Variants in STARD5 observed in about 807,000 individuals in gnomAD.
STARD5 encodes StAR related lipid transfer domain containing 5.
STARD5 carries 26 observed loss-of-function variants against 24.6 expected under a neutral mutation model. The ratio of observed to expected loss-of-function variants is 1.06; its 90% CI spans 0.77 to 1.47. The LOEUF (loss-of-function observed/expected upper bound fraction) is 1.47, where lower values mean the gene tolerates loss of function less well. Among genes scored for constraint, STARD5 ranks in the 40% most tolerant of loss-of-function variants. The pLI is 0.00. For missense variants in STARD5, 254 were observed against 270.8 expected (o/e 0.94, Z 0.44); for synonymous variants, 101 against 99.7 (o/e 1.01, Z -0.07).
In STARD5 at chr15:81,312,430, C is replaced by T. The variant is rs549339999; in HGVS notation, c.*826G>A. Reference sequence around the variant, plus strand: ...ACCTCCTGCCTCCGCCTCAGTAAGACGACAAGGAAAGGCAAATGCCCAAGG... The same window carrying T: ...ACCTCCTGCCTCCGCCTCAGTAAGATGACAAGGAAAGGCAAATGCCCAAGG... On this transcript the variant is annotated 3_prime_UTR_variant, in exon 6 of 6. Coordinates refer to ENST00000302824, the MANE Select transcript of STARD5 (RefSeq NM_181900.3). 17 of 152,362 alleles carry T rather than the reference C, an allele frequency of 1.1e-4. No homozygotes were observed. Among genetic ancestry groups the T allele is most frequent in the African/African-American group, 2.4e-4 (10 of 41,580 alleles). 9.4% of individuals were successfully genotyped at this position (152,362 alleles called of 1,614,324 possible). A position where few individuals can be genotyped will look rare whatever the true frequency, so the allele number is the denominator to read the frequency against.
chr15:81,323,107 C>T (rs1240009406), intron 1 of STARD5, 159 bp from the exon 2 acceptor site: 4 of 684,064 alleles, frequency 5.8e-6, no homozygotes, highest in South Asian at 1.9e-5. Context: ...TAGTCTTGGG[C>T]AAAGCTGTCC....
Position 81,322,946 on chromosome 15 carries a change from A to C in STARD5, c.102T>G (p.Asn34Lys). The part of the protein sequence containing the change: ...TAGWKICREG[N>K]GVSVSWRPSV... ...ATGGCCTCCAGGAAACTGAAACTCC[A>C]TTCTGTCAAAAGGCACAGAACCACA... The change falls in exon 2 of 6, where the codon AAT (asparagine) becomes AAG (lysine). Residue 34 changes from asparagine to lysine, a missense_variant and splice_region_variant. Asn to Lys is a moderately conservative substitution (Grantham distance 94). Coordinates refer to ENST00000302824, the MANE Select transcript of STARD5 (RefSeq NM_181900.3). 4 of 1,614,088 alleles carry C rather than the reference A, an allele frequency of 2.5e-6. No individual in the cohort carries two copies. The highest frequency in any genetic ancestry group is 3.4e-6 in the Non-Finnish European group (4 of 1,180,024).
intron 1 of STARD5, 120 bp from the exon 2 acceptor site, chr15:81,323,068 G>A: frequency 9.5e-7 from 1 of 1,050,500 alleles, no homozygotes; most frequent in Non-Finnish European, 1.4e-6. Context: ...CTCCAAGGCT[G>A]TGCAACCCAT....
rs1226070903 is a variant in STARD5 at position 81,312,574 on chromosome 15, C to A, written c.*682G>T. On this transcript the variant is annotated 3_prime_UTR_variant, in exon 6 of 6. Transcript: ENST00000302824. ...CTGCAGATTTGGGCTGGAACAGATT[C>A]ACACTGTCTGGTTTCACCGAGGACA... 9.9e-5 allele frequency: 15 copies of A among 152,224 alleles called. No homozygotes were observed. The highest frequency in any genetic ancestry group is 9.8e-4 in the Admixed American group (15 of 15,290). 9.4% of individuals were successfully genotyped at this position (152,224 alleles called of 1,614,324 possible).
At chr15:81,317,320 G>A (rs900014607) in intron 5 of STARD5, among the ~76,000 whole-genome samples, 1 of 152,080 alleles carries the variant, frequency 6.6e-6, no homozygotes, top group Non-Finnish European at 1.5e-5. Flanking sequence ...CAGAAGGAAG[G>A]ACTCTGCCTC....
chr15:81,309,742 G>A lies in STARD5; in HGVS notation c.*3514C>T, dbSNP rs1900757436. 1 of 152,238 alleles carries A rather than the reference G, an allele frequency of 6.6e-6. No homozygotes were observed. The highest frequency in any genetic ancestry group is 6.5e-5 in the Admixed American group (1 of 15,286). The allele number at this position is 152,238 out of a possible 1,614,324, so 9.4% of individuals were successfully genotyped here. A position where few individuals can be genotyped will look rare whatever the true frequency, so the allele number is the denominator to read the frequency against. On this transcript the variant is annotated 3_prime_UTR_variant, in exon 6 of 6. Coordinates refer to ENST00000302824, the MANE Select transcript of STARD5 (RefSeq NM_181900.3). ...ACAGAAGGAACCAGCGTGTATATGAGGGTATCAAATAAAATTGCTACTACT... is the reference window on the plus strand; with the variant it reads ...ACAGAAGGAACCAGCGTGTATATGAAGGTATCAAATAAAATTGCTACTACT...
Position 81,309,108 on chromosome 15 carries a change from G to T in STARD5, c.*4148C>A. 7.2e-6 allele frequency: 2 copies of T among 279,212 alleles called. No individual in the cohort carries two copies. The highest frequency in any genetic ancestry group is 1.3e-5 in the Non-Finnish European group (2 of 149,474). 17.3% of individuals were successfully genotyped at this position (279,212 alleles called of 1,614,324 possible). ...AGAATTTCATATGACATTCATGCCT[G>T]GCTTCGCAAAATGTTTCAAGTACTG... On this transcript the variant is annotated 3_prime_UTR_variant, in exon 6 of 6. Transcript: ENST00000302824.
At chr15:81,319,841 A>G (rs1219520315) in intron 3 of STARD5, among the ~76,000 whole-genome samples, 7 of 152,226 alleles carry the variant, frequency 4.6e-5, no homozygotes, top group African/African-American at 1.4e-4. Flanking sequence ...TGACACTTAG[A>G]GAGACTAAGG....
rs1265122129 is a variant in STARD5 at position 81,312,273 on chromosome 15, G to A, written c.*983C>T. On this transcript the variant is annotated 3_prime_UTR_variant, in exon 6 of 6. Transcript: ENST00000302824. Reference sequence around the variant, plus strand: ...TCTGATGATGTGCCTGGGTGGACATGGCCCCTGTGAGTTTGTACAGTCTTG... The same window carrying A: ...TCTGATGATGTGCCTGGGTGGACATAGCCCCTGTGAGTTTGTACAGTCTTG... 1 of 152,272 alleles carries A rather than the reference G, an allele frequency of 6.6e-6. No individual in the cohort carries two copies. Among genetic ancestry groups the A allele is most frequent in the African/African-American group, 2.4e-5 (1 of 41,460 alleles). The allele number at this position is 152,272 out of a possible 1,614,324, so 9.4% of individuals were successfully genotyped here.
Position 81,313,191 on chromosome 15 carries a change from G to T in STARD5, c.*65C>A, listed in dbSNP as rs900513869. 2.7e-6 allele frequency: 4 copies of T among 1,456,744 alleles called. No homozygotes were observed. Among genetic ancestry groups the T allele is most frequent in the Middle Eastern group, 1.8e-4 (1 of 5,466 alleles). 90.2% of individuals were successfully genotyped at this position (1,456,744 alleles called of 1,614,324 possible). A position where few individuals can be genotyped will look rare whatever the true frequency, so the allele number is the denominator to read the frequency against. On this transcript the variant is annotated 3_prime_UTR_variant, in exon 6 of 6. Coordinates refer to ENST00000302824, the MANE Select transcript of STARD5 (RefSeq NM_181900.3). ...CCTCTGCGTGCTCCCAGGCTCCTTG[G>T]TGTCCCAACAGCTGGAGCTCCTCGA...
At chr15:81,321,306 A>G (rs1205763161) in intron 3 of STARD5, among the ~76,000 whole-genome samples, 1 of 152,030 alleles carries the variant, frequency 6.6e-6, no homozygotes, top group East Asian at 1.9e-4. Context: ...CCTCAATCCA[A>G]TTTTTTAAAA....
rs1254503409 is a variant in STARD5 at position 81,319,105 on chromosome 15, A to AG, written c.400+233_400+234insC. Among the ~76,000 whole-genome samples, 473 of 150,696 alleles carry AG rather than the reference A, an allele frequency of 3.1e-3. 2 individuals carry two copies. The highest frequency in any genetic ancestry group is 0.01 in the African/African-American group (423 of 40,396). On this transcript the variant is annotated intron_variant, in intron 4 of 5. Transcript: ENST00000302824. ...ATGAGCTTCCGCAGGAAAAAAAAAA[A>AG]AGGGGCACTGGCAAAACCGTGACTT...
rs1043379680 is a variant in STARD5 at position 81,312,942 on chromosome 15, G to A, written c.*314C>T. On this transcript the variant is annotated 3_prime_UTR_variant, in exon 6 of 6. Transcript: ENST00000302824. The stretch of plus-strand genomic sequence containing the variant: ...TAAAGCCTTGGTGCCAGAGTGCATC[G>A]CATGGTGTCCAGGCCGAGTCTCTGT... 4.5e-5 allele frequency: 8 copies of A among 179,272 alleles called. No individual in the cohort carries two copies. Among genetic ancestry groups the A allele is most frequent in the Non-Finnish European group, 5.9e-5 (5 of 84,880 alleles). 11.1% of individuals were successfully genotyped at this position (179,272 alleles called of 1,614,324 possible). A position where few individuals can be genotyped will look rare whatever the true frequency, so the allele number is the denominator to read the frequency against.
Position 81,313,011 on chromosome 15 carries a change from T to G in STARD5, c.*245A>C. 3.3e-6 allele frequency: 1 copy of G among 306,430 alleles called. No homozygotes were observed. The highest frequency in any genetic ancestry group is 6.0e-6 in the Non-Finnish European group (1 of 167,288). The allele number at this position is 306,430 out of a possible 1,614,324, so 19.0% of individuals were successfully genotyped here. A position where few individuals can be genotyped will look rare whatever the true frequency, so the allele number is the denominator to read the frequency against. ...GGTCTACCCTGCCAGGAGAGGCGTGTTTGGGTAACAGGCAGATGGAGTTTG... is the reference window on the plus strand; with the variant it reads ...GGTCTACCCTGCCAGGAGAGGCGTGGTTGGGTAACAGGCAGATGGAGTTTG... On this transcript the variant is annotated 3_prime_UTR_variant, in exon 6 of 6. Coordinates refer to ENST00000302824, the MANE Select transcript of STARD5 (RefSeq NM_181900.3).
At chr15:81,319,203 C>T (rs1287396162) in intron 4 of STARD5, 136 bp downstream of exon 4, 2 of 786,738 alleles carry the variant, frequency 2.5e-6, no homozygotes, top group Non-Finnish European at 4.3e-6. Flanking sequence ...CAAACCCAAC[C>T]AGATGAGGTA....
intron 3 of STARD5, 51 bp from the exon 4 acceptor site, chr15:81,319,507 C>A: frequency 6.7e-7 from 1 of 1,502,452 alleles, no homozygotes; most frequent in Non-Finnish European, 9.3e-7. Context: ...GACATCTTCT[C>A]CCAACTCCCA....
At chr15:81,323,020 C>T (rs1305480118) in intron 1 of STARD5, 72 bp from the exon 2 acceptor site, 8 of 1,569,432 alleles carry the variant, frequency 5.1e-6, no homozygotes, top group Non-Finnish European at 7.0e-6. Flanking sequence ...ATCCCCTGTT[C>T]TACAGAAGAG....
rs1167593167 is a variant in STARD5 at position 81,309,832 on chromosome 15, G to C, written c.*3424C>G. On this transcript the variant is annotated 3_prime_UTR_variant, in exon 6 of 6. Transcript: ENST00000302824. ...GGCATTGCCTTTAGTGATCACAGCA[G>C]CTTCTACGGTGTATGGTTCTGTGCC... The C allele has an allele frequency of 6.6e-6, 1 of 152,278 alleles. No individual in the cohort carries two copies. The highest frequency in any genetic ancestry group is 6.5e-5 in the Admixed American group (1 of 15,286). The allele number at this position is 152,278 out of a possible 1,614,324, so 9.4% of individuals were successfully genotyped here.
At position 81,318,874 on chromosome 15, in the gene STARD5, T is replaced by C. The variant is rs1901137055; in HGVS notation, c.401-372A>G. Among the ~76,000 whole-genome samples, 3 of 152,128 alleles carry C rather than the reference T, an allele frequency of 2.0e-5. No homozygotes were observed. In the South Asian group the frequency reaches 6.2e-4, roughly 32 times the overall value. On this transcript the variant is annotated intron_variant, in intron 4 of 5. Coordinates refer to ENST00000302824, the MANE Select transcript of STARD5 (RefSeq NM_181900.3). ...GGAGGAGGCAGGTGCCTCTCTCAAA[T>C]CTCAGCCAGGAGAGGCATGGATGCA...
Sources: gnomAD v4.1 joint callset for allele counts (sites outside exome capture counted in the v4.1 genomes callset) on GRCh38, gnomAD v4.1.1 for gene constraint, MANE v1.5 for transcripts, NCBI Gene and HGNC (gene_info 2026-07-23, HGNC 2026-07-21) for gene names.